The following IRAK1BP1 variants were observed in gnomAD, a reference collection of about 807,000 sequenced individuals.
IRAK1BP1 encodes interleukin-1 receptor-associated kinase 1-binding protein 1.
A neutral mutation model predicts 28.0 loss-of-function variants in IRAK1BP1; 24 were observed. That is an observed-to-expected ratio of 0.86 (90% CI 0.62 to 1.20). The LOEUF (loss-of-function observed/expected upper bound fraction) is 1.20. Ranked by LOEUF, IRAK1BP1 falls within the 50% of genes most tolerant of loss-of-function variation. The pLI, the probability that IRAK1BP1 is intolerant of heterozygous loss-of-function variation, is 0.00. For synonymous variants in IRAK1BP1, 131 were observed against 116.3 expected, an observed-to-expected ratio of 1.13 and a Z score of -0.81; for missense variants, 336 against 316.7, an observed-to-expected ratio of 1.06 and a Z score of -0.46.
intron 1 of IRAK1BP1, among the ~76,000 whole-genome samples, chr6:78,879,809 C>T (rs1771155968): frequency 6.6e-6 from 1 of 152,022 alleles, no homozygotes; most frequent in Non-Finnish European, 1.5e-5. Context: ...GGCAGTTGAC[C>T]TACATGCACA....
chr6:78,894,182 CAAAA>C (rs1369658687), intron 2 of IRAK1BP1, among the ~76,000 whole-genome samples: 3 of 151,850 alleles, frequency 2.0e-5, no homozygotes, highest in African/African-American at 4.8e-5. Flanking sequence ...ATAAAAATAT[CAAAA>C]AGAAAACAGA....
At chr6:78,876,719 T>C (rs1415925995) in intron 1 of IRAK1BP1, among the ~76,000 whole-genome samples, 1 of 152,160 alleles carries the variant, frequency 6.6e-6, no homozygotes, top group Non-Finnish European at 1.5e-5. Context: ...GGCAGGTCCA[T>C]GTCTGAGGAA....
chr6:78,934,489 CAATA>C (rs1173435818), intron 4 of IRAK1BP1, among the ~76,000 whole-genome samples: 1 of 152,156 alleles, frequency 6.6e-6, no homozygotes, highest in Non-Finnish European at 1.5e-5. Flanking sequence ...TATAGCAATA[CAATA>C]GTGTGTTGTA....
chr6:78,886,712 T>C (rs910107954), intron 2 of IRAK1BP1, among the ~76,000 whole-genome samples: 1 of 152,192 alleles, frequency 6.6e-6, no homozygotes, highest in Non-Finnish European at 1.5e-5. Flanking sequence ...ACAGCCAGGC[T>C]TCATGGAAAA....
At position 78,898,210 on chromosome 6, in the gene IRAK1BP1, C is replaced by T; in HGVS notation, c.659C>T (p.Ser220Leu). The T allele has an allele frequency of 6.2e-7, 1 of 1,613,526 alleles. No individual in the cohort carries two copies. Residue 220 changes from serine (S) to leucine (L), a missense_variant, in exon 4 of 4, where the codon TCA (serine) becomes TTA (leucine). Physicochemically the swap from Ser to Leu is moderately radical, Grantham distance 145 (BLOSUM62 -2). Transcript: ENST00000369940. ...EWEGQIDDHQSSRLSSSLTVQ... is the reference protein window; with the variant it reads ...EWEGQIDDHQLSRLSSSLTVQ... ...GAAGGCCAAATAGATGATCACCAGTCATCCAGACTCTCAAGTTCATTAACT... is the reference window on the plus strand; with the variant it reads ...GAAGGCCAAATAGATGATCACCAGTTATCCAGACTCTCAAGTTCATTAACT...
intron 4 of IRAK1BP1, among the ~76,000 whole-genome samples, chr6:78,920,704 AC>A (rs1772699488): frequency 6.6e-6 from 1 of 152,196 alleles, no homozygotes; most frequent in Admixed American, 6.5e-5. Flanking sequence ...CTGAGGAAAT[AC>A]CATTCTTGAG....
At chr6:78,915,658 T>C (rs1356382849) in intron 4 of IRAK1BP1, among the ~76,000 whole-genome samples, 3 of 152,202 alleles carry the variant, frequency 2.0e-5, no homozygotes, top group Admixed American at 6.5e-5. Context: ...TTAGACTACA[T>C]AGAGGTCAAG....
intron 4 of IRAK1BP1, among the ~76,000 whole-genome samples, chr6:78,918,492 G>A (rs1772622641): frequency 6.9e-6 from 1 of 145,834 alleles, no homozygotes; most frequent in Non-Finnish European, 1.5e-5. Flanking sequence ...GTAAAGGGCT[G>A]GGGAAAGATT....
At chr6:78,946,299 C>G in exon 5 of IRAK1BP1, 2 of 1,553,122 alleles carry the variant, frequency 1.3e-6, no homozygotes, top group Non-Finnish European at 1.7e-6. Flanking sequence ...TCTTATAGCT[C>G]TATGTGAACG....
At chr6:78,939,582 T>C (rs186380607) in intron 4 of IRAK1BP1, 6 of 152,108 alleles carry the variant, frequency 3.9e-5, no homozygotes, top group Admixed American at 2.6e-4. Flanking sequence ...TATATAAGTA[T>C]GTGTTTGTAT....
intron 1 of IRAK1BP1, among the ~76,000 whole-genome samples, chr6:78,880,975 T>A (rs1413977198): frequency 6.6e-6 from 1 of 152,214 alleles, no homozygotes; most frequent in Non-Finnish European, 1.5e-5. Context: ...TATAGTTTCT[T>A]ATAAGTTAAA....
the IRAK1BP1 span, among the ~76,000 whole-genome samples, chr6:78,959,528 G>T: frequency 3.3e-5 from 5 of 152,024 alleles, no homozygotes; most frequent in African/African-American, 1.2e-4. Context: ...TTTCACGAAA[G>T]AAAAACAAAC....
At chr6:78,959,142 C>T in the IRAK1BP1 span, among the ~76,000 whole-genome samples, 2 of 152,064 alleles carry the variant, frequency 1.3e-5, no homozygotes, top group African/African-American at 2.4e-5. Context: ...ATTTTCTGAA[C>T]ACTTAATTGA....
downstream of IRAK1BP1, chr6:78,946,521 T>C: frequency 1.4e-6 from 2 of 1,382,812 alleles, no homozygotes; most frequent in Non-Finnish European, 1.9e-6. Context: ...TTTAGCAGTT[T>C]GAATTTAAGC....
intron 4 of IRAK1BP1, among the ~76,000 whole-genome samples, chr6:78,942,975 C>T (rs906736572): frequency 4.6e-5 from 7 of 152,066 alleles, no homozygotes; most frequent in East Asian, 3.9e-4. Flanking sequence ...TGATATTGAA[C>T]GGTGTTGTCC....
chr6:78,963,007 G>GA, the IRAK1BP1 span: 11 of 1,274,122 alleles, frequency 8.6e-6, no homozygotes, highest in East Asian at 5.0e-5. Context: ...AGGATATTGT[G>GA]AAAAAAAATT....
intron 4 of IRAK1BP1, among the ~76,000 whole-genome samples, chr6:78,913,880 G>T (rs1772488747): frequency 6.6e-6 from 1 of 152,216 alleles, no homozygotes; most frequent in Admixed American, 6.5e-5. Flanking sequence ...GAAGTGAACA[G>T]ATGATATACT....
chr6:78,975,977 C>A, the IRAK1BP1 span, among the ~76,000 whole-genome samples: 93 of 151,724 alleles, frequency 6.1e-4, 1 homozygote, highest in South Asian at 7.9e-3. Context: ...TCAATGCCAT[C>A]CCCATCAAGC....
chr6:78,920,181 G>A (rs1436923481), intron 4 of IRAK1BP1, among the ~76,000 whole-genome samples: 4 of 152,144 alleles, frequency 2.6e-5, no homozygotes, highest in Non-Finnish European at 5.9e-5. Context: ...TTGAACCTGG[G>A]AGGCAAAGAT....
Sources: gnomAD v4.1 joint callset for allele counts (sites outside exome capture counted in the v4.1 genomes callset) on GRCh38, gnomAD v4.1.1 for gene constraint, MANE v1.5 for transcripts, NCBI Gene and HGNC (gene_info 2026-07-23, HGNC 2026-07-21) for gene names.